TBC1D12: variants seen among roughly 807,000 people sequenced by gnomAD.
TBC1D12 encodes TBC1 domain family member 12.
Under a neutral mutation model 86.7 loss-of-function variants are expected in TBC1D12, and 56 were observed. That is an observed-to-expected ratio of 0.65 (90% CI 0.52 to 0.81). The LOEUF (loss-of-function observed/expected upper bound fraction) is 0.81, where lower values mean the gene tolerates loss of function less well. Ranked by LOEUF, TBC1D12 falls within the 30% of genes least tolerant of loss-of-function variation. TBC1D12 has a pLI of 0.00. For synonymous variants in TBC1D12, 421 were observed against 411.7 expected (o/e 1.02, Z -0.27); for missense variants, 1,023 against 1,038.8 (o/e 0.98, Z 0.21).
rs537986857 is a variant in TBC1D12 at position 94,440,610 on chromosome 10, A to T, written c.972-1286A>T. 2.0e-5 allele frequency among the ~76,000 whole-genome samples: 3 copies of T among 152,330 alleles called. No individual in the cohort carries two copies. The East Asian group carries it at 5.8e-4, about 29-fold the overall frequency. On this transcript the variant is annotated intron_variant, in intron 1 of 12. Coordinates refer to ENST00000225235, the MANE Select transcript of TBC1D12 (RefSeq NM_015188.2). ...TGATACGGCATTTTGAGTATAGATA[A>T]ATCTAATTATTTGGGACTTCAATTT...
At chr10:94,444,705 AT>A (rs2055429756) in intron 2 of TBC1D12, among the ~76,000 whole-genome samples, 2 of 148,336 alleles carry the variant, frequency 1.3e-5, no homozygotes, top group Non-Finnish European at 3.0e-5. Context: ...TGCTATTTTC[AT>A]TTCGGAAAGC....
chr10:94,531,870 T>TGTTATGTTAC (rs2134240169), intron 12 of TBC1D12, among the ~76,000 whole-genome samples: 1 of 146,612 alleles, frequency 6.8e-6, no homozygotes, highest in African/African-American at 2.6e-5. Context: ...TTATATGTTA[T>TGTTATGTTAC]GTTATGTTAT....
At chr10:94,493,562 T>C (rs2134177121) in intron 4 of TBC1D12, 115 bp downstream of exon 4, 1 of 841,700 alleles carries the variant, frequency 1.2e-6, no homozygotes, top group East Asian at 2.6e-5. Context: ...TATTTCTTTT[T>C]TCGTTTCTTT....
In TBC1D12 at chr10:94,516,466, G is replaced by C. The variant is rs560080584; in HGVS notation, c.1761+4812G>C. Among the ~76,000 whole-genome samples the C allele has an allele frequency of 1.9e-4, 29 of 151,784 alleles. No individual in the cohort carries two copies. In the South Asian group the frequency reaches 6.0e-3, roughly 32 times the overall value. ...AAGTTCTAGGGTACATGTGCACAAC[G>C]TGCAGGTTTGTTACATATGTATACA... On this transcript the variant is annotated intron_variant, in intron 9 of 12. Coordinates refer to ENST00000225235, the MANE Select transcript of TBC1D12 (RefSeq NM_015188.2).
At position 94,493,405 on chromosome 10, in the gene TBC1D12, C is replaced by G; in HGVS notation, c.1252C>G (p.Arg418Gly). 6.2e-7 allele frequency: 1 copy of G among 1,611,998 alleles called. No individual in the cohort carries two copies. The change falls in exon 4 of 13, where the codon CGA becomes GGA. Residue 418 changes from arginine (R) to glycine (G), a missense_variant. Around this residue, in one of 2 missense-constraint regions of TBC1D12, gnomAD observed 395 missense variants for 507.7 expected, o/e 0.78. Coordinates refer to ENST00000225235, the MANE Select transcript of TBC1D12 (RefSeq NM_015188.2). ...AKSVEEALRHRQEYDEMVAEA... is the reference protein window; with the variant it reads ...AKSVEEALRHGQEYDEMVAEA... ...ATCTGTGGAAGAAGCTTTACGTCAC[C>G]GACAAGAATACGATGAGATGGTGGC...
At chr10:94,446,605 G>A (rs182926640) in intron 2 of TBC1D12, among the ~76,000 whole-genome samples, 2 of 151,918 alleles carry the variant, frequency 1.3e-5, no homozygotes, top group East Asian at 3.8e-4. Flanking sequence ...GCCCAGGCTG[G>A]CCTCAAACTC....
At chr10:94,483,286 G>C (rs2134160209) in intron 3 of TBC1D12, among the ~76,000 whole-genome samples, 1 of 152,172 alleles carries the variant, frequency 6.6e-6, no homozygotes, top group South Asian at 2.1e-4. Context: ...CTAGCAGTGG[G>C]ATTGCTGGAT....
At chr10:94,522,501 A>G in intron 11 of TBC1D12, 48 bp downstream of exon 11, 2 of 842,652 alleles carry the variant, frequency 2.4e-6, no homozygotes, top group South Asian at 2.0e-5. Context: ...GAAATAAAGT[A>G]TAACTTTTTG....
intron 1 of TBC1D12, among the ~76,000 whole-genome samples, chr10:94,435,218 GGCTAGAAGTCTAATT>G (rs943085860): frequency 2.6e-5 from 4 of 152,102 alleles, no homozygotes; most frequent in African/African-American, 9.7e-5. Context: ...TAGGATTCGT[GGCTAGAAGTCTAATT>G]GCTAGATGGT....
intron 9 of TBC1D12, among the ~76,000 whole-genome samples, chr10:94,521,561 A>G (rs541720598): frequency 6.6e-6 from 1 of 152,042 alleles, no homozygotes; most frequent in South Asian, 2.1e-4. Context: ...TGAGTCCTTC[A>G]TTTTTTACTC....
At chr10:94,414,756 G>A (rs1413914729) in intron 1 of TBC1D12, among the ~76,000 whole-genome samples, 2 of 151,868 alleles carry the variant, frequency 1.3e-5, no homozygotes, top group Admixed American at 6.6e-5. Flanking sequence ...TGCACCTCAC[G>A]CCCAGCTAAT....
At chr10:94,514,343 A>G (rs981358369) in intron 9 of TBC1D12, among the ~76,000 whole-genome samples, 1 of 152,194 alleles carries the variant, frequency 6.6e-6, no homozygotes, top group Non-Finnish European at 1.5e-5. Flanking sequence ...CCTGGGCGAT[A>G]GAGTGAGACC....
At chr10:94,488,983 C>T (rs745899419) in intron 3 of TBC1D12, among the ~76,000 whole-genome samples, 8 of 152,218 alleles carry the variant, frequency 5.3e-5, no homozygotes, top group South Asian at 2.1e-4. Flanking sequence ...AGGGGAGTGG[C>T]GTAAGCACTC....
At chr10:94,446,699 T>C (rs1456952719) in intron 2 of TBC1D12, among the ~76,000 whole-genome samples, 2 of 152,178 alleles carry the variant, frequency 1.3e-5, no homozygotes, top group African/African-American at 4.8e-5. Flanking sequence ...AGAGTTGCCA[T>C]ATTTTTAAAT....
At chr10:94,487,758 A>G (rs1297975301) in intron 3 of TBC1D12, among the ~76,000 whole-genome samples, 2 of 136,864 alleles carry the variant, frequency 1.5e-5, no homozygotes, top group African/African-American at 5.6e-5. Context: ...GTGCAGTGGT[A>G]CAGTCATCGC....
At chr10:94,448,386 C>T (rs2055501780) in intron 2 of TBC1D12, among the ~76,000 whole-genome samples, 1 of 152,150 alleles carries the variant, frequency 6.6e-6, no homozygotes, top group African/African-American at 2.4e-5. Context: ...TATAGATATT[C>T]TTGCTGTAAA....
chr10:94,505,875 A>G (rs1289120534), intron 6 of TBC1D12, among the ~76,000 whole-genome samples: 1 of 152,190 alleles, frequency 6.6e-6, no homozygotes, highest in East Asian at 1.9e-4. Context: ...AGACCAGTGC[A>G]TGAAACATGT....
chr10:94,420,626 G>C (rs907069074), intron 1 of TBC1D12, among the ~76,000 whole-genome samples: 3 of 152,142 alleles, frequency 2.0e-5, no homozygotes, highest in Non-Finnish European at 2.9e-5. Flanking sequence ...GTTTGTCACC[G>C]TTTATGTCTG....
At chr10:94,428,876 AT>A (rs556795598) in intron 1 of TBC1D12, among the ~76,000 whole-genome samples, 10 of 150,834 alleles carry the variant, frequency 6.6e-5, no homozygotes, top group Non-Finnish European at 1.3e-4. Context: ...TGCCTGGCTG[AT>A]TTTTTTTTGT....
Sources: gnomAD v4.1 joint callset for allele counts (sites outside exome capture counted in the v4.1 genomes callset) on GRCh38, gnomAD v4.1.1 for gene constraint, gnomAD v4.1.1 regional missense constraint, MANE v1.5 for transcripts, NCBI Gene and HGNC (gene_info 2026-07-23, HGNC 2026-07-21) for gene names.